TSNAX: variants seen among roughly 807,000 people sequenced by gnomAD.
The protein encoded by TSNAX is translin-associated protein X.
TSNAX carries 12 observed loss-of-function variants against 33.0 expected under a neutral mutation model. The ratio of observed to expected loss-of-function variants is 0.36; its 90% CI spans 0.23 to 0.59. TSNAX has a LOEUF of 0.59. TSNAX is among the 20% of genes least tolerant of loss of function. TSNAX has a pLI of 0.74. For synonymous variants in TSNAX, 110 were observed against 117.2 expected, an observed-to-expected ratio of 0.94 and a Z score of 0.40; for missense variants, 267 against 341.3, an observed-to-expected ratio of 0.78 and a Z score of 1.72.
chr1:231,528,800 G>T lies in TSNAX; in HGVS notation c.-11G>T. 1.2e-6 allele frequency: 2 copies of T among 1,614,180 alleles called. No homozygotes were observed. The highest frequency in any genetic ancestry group is 1.7e-6 in the Non-Finnish European group (2 of 1,180,046). The stretch of plus-strand genomic sequence containing the variant: ...TCAGTCTCCGCTCGTCTCACCGTAG[G>T]CTGTGACGACATGAGCAACAAAGAA... On this transcript the variant is annotated 5_prime_UTR_variant, in exon 1 of 6. Coordinates refer to ENST00000366639, the MANE Select transcript of TSNAX (RefSeq NM_005999.3).
intron 4 of TSNAX, among the ~76,000 whole-genome samples, chr1:231,552,942 G>C (rs1231162396): frequency 6.6e-6 from 1 of 152,110 alleles, no homozygotes; most frequent in Non-Finnish European, 1.5e-5. Context: ...TTTAATAGCT[G>C]AATTATAGTC....
At chr1:231,529,968 T>A (rs1399594411) in intron 2 of TSNAX, among the ~76,000 whole-genome samples, 1 of 152,230 alleles carries the variant, frequency 6.6e-6, no homozygotes, top group Non-Finnish European at 1.5e-5. Flanking sequence ...GCTGGTTGAT[T>A]CCTATTTGCA....
Position 231,530,391 on chromosome 1 carries a change from C to T in TSNAX, c.121+1032C>T, listed in dbSNP as rs558836403. Reference sequence around the variant, plus strand: ...TGGCCGTAATTGAATAAAGAGCGTACTGATACAGAAGGTGGAGTTGCGGCT... The same window carrying T: ...TGGCCGTAATTGAATAAAGAGCGTATTGATACAGAAGGTGGAGTTGCGGCT... On this transcript the variant is annotated intron_variant, in intron 2 of 5. Transcript: ENST00000366639. 3.9e-5 allele frequency among the ~76,000 whole-genome samples: 6 copies of T among 152,248 alleles called. No homozygotes were observed. In the East Asian group the frequency reaches 9.7e-4, roughly 25 times the overall value.
At chr1:231,536,935 C>T (rs1191143091) in intron 2 of TSNAX, 8 of 196,144 alleles carry the variant, frequency 4.1e-5, no homozygotes, top group African/African-American at 7.0e-5. Flanking sequence ...GGGGTTCAAG[C>T]GATTCTTCTG....
chr1:231,563,724 A>C (rs1277123291), intron 5 of TSNAX: 1 of 150,414 alleles, frequency 6.6e-6, no homozygotes, highest in Non-Finnish European at 1.5e-5. Flanking sequence ...CTGGCAAATG[A>C]CCAGGTCACT....
intron 2 of TSNAX, chr1:231,536,278 A>G (rs1437353850): frequency 6.6e-6 from 1 of 152,180 alleles, no homozygotes; most frequent in Non-Finnish European, 1.5e-5. Context: ...TGAAAATAAT[A>G]TTTCTGAAGT....
At position 231,550,898 on chromosome 1, in the gene TSNAX, A is replaced by G. The variant is rs536925226; in HGVS notation, c.367+8287A>G. On this transcript the variant is annotated intron_variant, in intron 4 of 5. Coordinates refer to ENST00000366639, the MANE Select transcript of TSNAX (RefSeq NM_005999.3). Reference sequence around the variant, plus strand: ...AGTTTGATGATACTTTGCATATCAAATCATGGCTCAGACAAGGGAAGTCAA... The same window carrying G: ...AGTTTGATGATACTTTGCATATCAAGTCATGGCTCAGACAAGGGAAGTCAA... Among the ~76,000 whole-genome samples, 6 of 152,304 alleles carry G rather than the reference A, an allele frequency of 3.9e-5. No individual in the cohort carries two copies. The South Asian group carries it at 1.2e-3, about 32-fold the overall frequency.
chr1:231,557,934 A>G (rs1421093203), intron 4 of TSNAX, among the ~76,000 whole-genome samples: 5 of 152,164 alleles, frequency 3.3e-5, no homozygotes, highest in African/African-American at 4.8e-5. Context: ...CTTATTAACC[A>G]TATAGGGGAT....
rs1658634029 is a variant in TSNAX, at chr1:231,530,673, T to C, written c.121+1314T>C. ...TTGCAGTGAGCCGAGATCGTGCCACTGCACTCCAGCCTGGGCAACAGAGCG... is the reference window on the plus strand; with the variant it reads ...TTGCAGTGAGCCGAGATCGTGCCACCGCACTCCAGCCTGGGCAACAGAGCG... On this transcript the variant is annotated intron_variant, in intron 2 of 5. Coordinates refer to ENST00000366639, the MANE Select transcript of TSNAX (RefSeq NM_005999.3). Among the ~76,000 whole-genome samples, 3 of 148,418 alleles carry C rather than the reference T, an allele frequency of 2.0e-5. No homozygotes were observed. In the South Asian group the frequency reaches 6.3e-4, roughly 31 times the overall value.
At chr1:231,535,947 G>A (rs1375620613) in intron 2 of TSNAX, 3 of 152,170 alleles carry the variant, frequency 2.0e-5, no homozygotes, top group Non-Finnish European at 4.4e-5. Flanking sequence ...TTGAGTCTTC[G>A]AAGATAGTAT....
intron 3 of TSNAX, among the ~76,000 whole-genome samples, chr1:231,537,880 ATTGT>A (rs1188769039): frequency 6.6e-6 from 1 of 152,090 alleles, no homozygotes; most frequent in East Asian, 1.9e-4. Context: ...ATATATTTTG[ATTGT>A]TAGAGCCTGT....
intron 4 of TSNAX, among the ~76,000 whole-genome samples, chr1:231,548,043 T>A (rs901666979): frequency 1.3e-5 from 2 of 151,054 alleles, no homozygotes; most frequent in Non-Finnish European, 3.0e-5. Context: ...GGTTTCACCA[T>A]GTTAGCCAGG....
At chr1:231,528,888 A>G (rs1428816731) in intron 1 of TSNAX, 62 bp downstream of exon 1, 6 of 1,608,016 alleles carry the variant, frequency 3.7e-6, no homozygotes, top group Non-Finnish European at 5.1e-6. Flanking sequence ...CAGTCTTTCT[A>G]TGCAGTTTTC....
intron 4 of TSNAX, among the ~76,000 whole-genome samples, chr1:231,547,082 C>T (rs1659964614): frequency 6.6e-6 from 1 of 152,166 alleles, no homozygotes; most frequent in Non-Finnish European, 1.5e-5. Flanking sequence ...ATTTGATGTT[C>T]TTTTGGTGTA....
chr1:231,537,740 C>CAA (rs541527416), intron 3 of TSNAX, among the ~76,000 whole-genome samples: 1,136 of 66,214 alleles, frequency 0.017, 27 homozygotes, highest in African/African-American at 0.052. Context: ...GACCCTGTCT[C>CAA]AAAAAAAAAA....
chr1:231,535,838 A>T (rs1457192685), intron 2 of TSNAX: 2 of 152,226 alleles, frequency 1.3e-5, no homozygotes, highest in Admixed American at 1.3e-4. Flanking sequence ...AGGATGTATG[A>T]AAGTGGGGAG....
At chr1:231,540,934 G>A (rs1360385690) in intron 3 of TSNAX, among the ~76,000 whole-genome samples, 4 of 152,074 alleles carry the variant, frequency 2.6e-5, no homozygotes, top group Non-Finnish European at 5.9e-5. Flanking sequence ...CTCCTGTTTC[G>A]TTTGATTGTT....
Position 231,560,406 on chromosome 1 carries a change from TCC to T in TSNAX, c.368-711_368-710del, listed in dbSNP as rs869062590. Among the ~76,000 whole-genome samples the T allele has an allele frequency of 7.2e-3, 232 of 32,062 alleles. 14 individuals carry two copies. Among genetic ancestry groups the T allele is most frequent in the Middle Eastern group, 0.042 (1 of 24 alleles). The allele number at this position is 32,062 out of a possible 152,430, so 21.0% of individuals were successfully genotyped here. A position where few individuals can be genotyped will look rare whatever the true frequency, so the allele number is the denominator to read the frequency against. On this transcript the variant is annotated intron_variant, in intron 4 of 5. Transcript: ENST00000366639. ...AATTATGGAATAGGCTTTTCTTTTC[TCC>T]CCCCCCCCCCTTTTTTTTTTTTTGA... is the stretch of plus-strand genomic sequence containing the variant.
chr1:231,534,027 G>A (rs1313190640), intron 2 of TSNAX: 1 of 152,086 alleles, frequency 6.6e-6, no homozygotes. Flanking sequence ...ATATTACATT[G>A]TAATGTCTCT....
Sources: allele counts gnomAD v4.1 joint callset (sites outside exome capture counted in the v4.1 genomes callset), GRCh38; gene constraint gnomAD v4.1.1; transcripts MANE v1.5; gene names NCBI Gene and HGNC (gene_info 2026-07-23, HGNC 2026-07-21).